The following PDIA6 variants were observed in gnomAD, a reference collection of about 807,000 sequenced individuals.
PDIA6 encodes protein disulfide-isomerase A6.
Under a neutral mutation model 58.4 loss-of-function variants are expected in PDIA6, and 29 were observed. That is an observed-to-expected ratio of 0.50 (90% CI 0.37 to 0.68). The LOEUF is 0.68. Among genes scored for constraint, PDIA6 ranks in the 30% least tolerant of loss-of-function variants. The probability of loss-of-function intolerance (pLI) is 0.00; values close to 1 mark genes in which losing one functional copy is unlikely to be tolerated. For missense variants in PDIA6, 480 were observed against 551.0 expected, an observed-to-expected ratio of 0.87 and a Z score of 1.29; for synonymous variants, 192 against 202.6, an observed-to-expected ratio of 0.95 and a Z score of 0.44.
rs562381386 is a variant in PDIA6, at chr2:10,805,940, C to T, written c.20-3300G>A. On this transcript the variant is annotated intron_variant, in intron 1 of 12. Transcript: ENST00000272227. ...TGGGGGGAGGGGGGAGGGATAGCAT[C>T]GGGAGATATACCTAATGCTAGATGA... is the stretch of plus-strand genomic sequence containing the variant. Among the ~76,000 whole-genome samples the T allele has an allele frequency of 1.2e-4, 11 of 88,668 alleles. No individual in the cohort carries two copies. The South Asian group carries it at 1.6e-3, about 13-fold the overall frequency. 58.2% of individuals were successfully genotyped at this position (88,668 alleles called of 152,430 possible).
intron 11 of PDIA6, among the ~76,000 whole-genome samples, chr2:10,787,050 G>A (rs375987893): frequency 2.6e-5 from 4 of 152,170 alleles, no homozygotes; most frequent in South Asian, 2.1e-4. Flanking sequence ...AGGGCGGCCC[G>A]AGGGTAGCAA....
At chr2:10,789,959 T>C (rs1482364944) in intron 7 of PDIA6, 70 bp from the exon 8 acceptor site, 1 of 1,404,200 alleles carries the variant, frequency 7.1e-7, no homozygotes, top group Non-Finnish European at 9.9e-7. Context: ...CTTTACAGTT[T>C]CTAAAACCAC....
chr2:10,829,849 T>G (rs376953537), intron 1 of PDIA6, among the ~76,000 whole-genome samples: 3 of 152,214 alleles, frequency 2.0e-5, no homozygotes, highest in East Asian at 3.8e-4. Context: ...ACAGTCCCTC[T>G]GACCACCTAA....
chr2:10,802,519 A>C lies in PDIA6; in HGVS notation c.141T>G (p.Leu47=), dbSNP rs762331946. The C allele has an allele frequency of 7.1e-7, 1 of 1,418,304 alleles. No individual in the cohort carries two copies. Among genetic ancestry groups the C allele is most frequent in the Non-Finnish European group, 9.3e-7 (1 of 1,079,940 alleles). 87.9% of individuals were successfully genotyped at this position (1,418,304 alleles called of 1,614,324 possible). A position where few individuals can be genotyped will look rare whatever the true frequency, so the allele number is the denominator to read the frequency against. The change falls in exon 2 of 13, where the codon CTT becomes CTG. Residue 47 remains leucine (L), a synonymous_variant. Coordinates refer to ENST00000272227, the MANE Select transcript of PDIA6 (RefSeq NM_005742.4). ...CTTACCATGGAGCATAGAATTCTAC[A>C]AGCCACAAACTATCACTCTGAATAA... ...REVIQSDSLW[L]VEFYAPWCGH...
intron 2 of PDIA6, among the ~76,000 whole-genome samples, chr2:10,801,226 C>T (rs990809576): frequency 2.6e-5 from 4 of 152,124 alleles, no homozygotes; most frequent in Admixed American, 1.3e-4. Context: ...TGTAGTGAGC[C>T]GTGATCATGC....
chr2:10,793,124 C>T lies in PDIA6; in HGVS notation c.425G>A (p.Arg142Gln), dbSNP rs775783522. Residue 142 changes from arginine to glutamine, a missense_variant, in exon 5 of 13, where the codon CGG becomes CAG. Coordinates refer to ENST00000272227, the MANE Select transcript of PDIA6 (RefSeq NM_005742.4). ...RQLVKDRLGG[R>Q]SGGYSSGKQG... is the part of the protein sequence containing the mutation. The stretch of plus-strand genomic sequence containing the variant: ...TTTTCCAGAACTGTATCCTCCGCTC[C>T]GTCCCCCGAGGCGATCCTTCACGAG... The T allele has an allele frequency of 2.8e-5, 45 of 1,613,526 alleles. No homozygotes were observed. Among genetic ancestry groups the T allele is most frequent in the African/African-American group, 1.3e-4 (10 of 74,934 alleles).
In PDIA6 at chr2:10,826,368, A is replaced by AT. The variant is rs35611271; in HGVS notation, c.-48+5833dup. ...TTTACTAAAAACCATTGAATAATGG[A>AT]TTTTTTTTTTTATGGAGTCTCGCTC... On this transcript the variant is annotated intron_variant, in intron 1 of 13. Transcript: ENST00000381611. Among the ~76,000 whole-genome samples, 70 of 150,150 alleles carry AT rather than the reference A, an allele frequency of 4.7e-4. 1 individual carries two copies. The South Asian group carries it at 0.011, about 24-fold the overall frequency.
intron 11 of PDIA6, 157 bp from the exon 12 acceptor site, chr2:10,785,187 C>G (rs1665658480): frequency 5.1e-6 from 3 of 588,454 alleles, no homozygotes; most frequent in Non-Finnish European, 9.1e-6. Flanking sequence ...ACCTTGAGGA[C>G]ATTATCTTTT....
chr2:10,821,180 A>C, intron 1 of PDIA6: 1 of 266,732 alleles, frequency 3.7e-6, no homozygotes, highest in East Asian at 9.1e-5. Flanking sequence ...CCCCTCTCTT[A>C]CCTCTCAGTT....
intron 8 of PDIA6, 61 bp from the exon 9 acceptor site, chr2:10,789,042 A>C: frequency 7.9e-7 from 1 of 1,264,352 alleles, no homozygotes; most frequent in Non-Finnish European, 1.2e-6. Context: ...CCTAAAGGTA[A>C]GCTGGCAAAC....
chr2:10,828,216 C>T (rs919220029), intron 1 of PDIA6, among the ~76,000 whole-genome samples: 3 of 152,218 alleles, frequency 2.0e-5, no homozygotes, highest in Non-Finnish European at 4.4e-5. Context: ...TAGTATCAGA[C>T]ACAGTAGTTT....
chr2:10,806,484 G>C (rs890999239), intron 1 of PDIA6, among the ~76,000 whole-genome samples: 4 of 149,770 alleles, frequency 2.7e-5, no homozygotes, highest in Non-Finnish European at 4.4e-5. Flanking sequence ...AGTTTAGAAA[G>C]TAAAATGTTG....
chr2:10,793,127 C>A lies in PDIA6; in HGVS notation c.422G>T (p.Gly141Val). 6.2e-7 allele frequency: 1 copy of A among 1,613,754 alleles called. No individual in the cohort carries two copies. The highest frequency in any genetic ancestry group is 8.5e-7 in the Non-Finnish European group (1 of 1,179,632). ...LRQLVKDRLGGRSGGYSSGKQ... is the reference protein window; with the variant it reads ...LRQLVKDRLGVRSGGYSSGKQ... ...TCCAGAACTGTATCCTCCGCTCCGT[C>A]CCCCGAGGCGATCCTTCACGAGCTG... is the stretch of plus-strand genomic sequence containing the variant. Residue 141 changes from glycine (G) to valine (V), a missense_variant, in exon 5 of 13, where the codon GGA (glycine) becomes GTA (valine). Physicochemically the swap from Gly to Val is moderately radical, Grantham distance 109 (BLOSUM62 -3). Coordinates refer to ENST00000272227, the MANE Select transcript of PDIA6 (RefSeq NM_005742.4).
chr2:10,836,463 G>A (rs866311048), upstream of PDIA6, among the ~76,000 whole-genome samples: 5 of 151,934 alleles, frequency 3.3e-5, no homozygotes, highest in Middle Eastern at 3.5e-3. Context: ...TCAGCCCGCT[G>A]TGGCCTCTCA....
Position 10,787,415 on chromosome 2 carries a change from G to A in PDIA6, c.1023C>T (p.Ala341=). The part of the protein sequence containing the change: ...MWGWLWTEAG[A]QSELETALGI... The stretch of plus-strand genomic sequence containing the variant: ...CCAACGCGGTCTCAAGTTCAGACTG[G>A]GCTCCAGCTTCTGTCCACAGCCACC... Residue 341 remains alanine, a synonymous_variant, in exon 11 of 13, where the codon GCC becomes GCT. Coordinates refer to ENST00000272227, the MANE Select transcript of PDIA6 (RefSeq NM_005742.4). 6.2e-7 allele frequency: 1 copy of A among 1,613,556 alleles called. No individual in the cohort carries two copies. The highest frequency in any genetic ancestry group is 8.5e-7 in the Non-Finnish European group (1 of 1,179,792).
At chr2:10,829,308 C>A (rs1470992764) in intron 1 of PDIA6, among the ~76,000 whole-genome samples, 1 of 152,190 alleles carries the variant, frequency 6.6e-6, no homozygotes, top group Non-Finnish European at 1.5e-5. Flanking sequence ...CAGCTCCCAG[C>A]GCTGTTGGCT....
At chr2:10,830,847 G>A (rs147031673) in intron 1 of PDIA6, among the ~76,000 whole-genome samples, 1 of 152,320 alleles carries the variant, frequency 6.6e-6, no homozygotes, top group Non-Finnish European at 1.5e-5. Flanking sequence ...CACCCCCGCC[G>A]GCTGGTGGCT....
intron 4 of PDIA6, among the ~76,000 whole-genome samples, chr2:10,796,185 C>G (rs975479653): frequency 6.6e-6 from 1 of 151,906 alleles, no homozygotes; most frequent in African/African-American, 2.4e-5. Context: ...TCCAGAGTAG[C>G]TGGGACTACA....
intron 1 of PDIA6, among the ~76,000 whole-genome samples, chr2:10,827,839 T>TAAAA (rs1558465423): frequency 3.1e-5 from 4 of 127,302 alleles, no homozygotes; most frequent in East Asian, 2.0e-4. Context: ...AAAAAAAATT[T>TAAAA]TTTTTTTCTT....
Sources: gnomAD v4.1 joint callset for allele counts (sites outside exome capture counted in the v4.1 genomes callset) on GRCh38, gnomAD v4.1.1 for gene constraint, MANE v1.5 for transcripts, NCBI Gene and HGNC (gene_info 2026-07-23, HGNC 2026-07-21) for gene names.